KIF7: variants seen among roughly 807,000 people sequenced by gnomAD.
The protein encoded by KIF7 is kinesin-like protein KIF7.
In KIF7, 104 loss-of-function variants were observed where a neutral mutation model predicts 135.7. That is an observed-to-expected ratio of 0.77 (90% CI 0.65 to 0.90). The LOEUF is 0.90. Ranked by LOEUF, KIF7 falls within the 40% of genes least tolerant of loss-of-function variation. KIF7 has a pLI of 0.00. For missense variants in KIF7, 2,005 were observed against 1,839.1 expected (o/e 1.09, Z -1.65); for synonymous variants, 883 against 809.4 (o/e 1.09, Z -1.54).
At chr15:89,655,974 T>TC (rs942326285), upstream of KIF7, among the ~76,000 whole-genome samples, 21 of 152,298 alleles carry the variant, frequency 1.4e-4, no homozygotes, top group Middle Eastern at 3.4e-3. Context: ...ATGGTTGGTG[T>TC]CTTCACCTCT....
At chr15:89,650,127 T>A (rs576466911) in intron 2 of KIF7, 186 bp from the exon 3 acceptor site, 215 of 617,364 alleles carry the variant, frequency 3.5e-4, no homozygotes, top group African/African-American at 3.4e-3. Flanking sequence ...TCAGGCAGAA[T>A]TATAAAATTT....
At chr15:89,646,345 A>G (rs1964012814) in intron 7 of KIF7, among the ~76,000 whole-genome samples, 1 of 152,098 alleles carries the variant, frequency 6.6e-6, no homozygotes, top group Non-Finnish European at 1.5e-5. Flanking sequence ...TGAACATGAG[A>G]CTTCTGCCAA....
chr15:89,660,664 A>G, the KIF7 span, among the ~76,000 whole-genome samples: 1 of 151,992 alleles, frequency 6.6e-6, no homozygotes. Context: ...ACAGAAATAA[A>G]CTCCTATCAC....
intron 11 of KIF7, among the ~76,000 whole-genome samples, chr15:89,637,560 G>T (rs995630699): frequency 1.2e-4 from 18 of 151,624 alleles, no homozygotes; most frequent in Non-Finnish European, 1.9e-4. Flanking sequence ...AAATAAACTA[G>T]AAAATCTAGA....
At chr15:89,660,901 C>T in the KIF7 span, among the ~76,000 whole-genome samples, 1 of 152,174 alleles carries the variant, frequency 6.6e-6, no homozygotes, top group Non-Finnish European at 1.5e-5. Flanking sequence ...CCACTGAGCC[C>T]TTATCCTGCA....
rs927357697 is a variant in KIF7, at chr15:89,629,176, G to A, written c.3518-54C>T. 13 of 1,377,540 alleles carry A rather than the reference G, an allele frequency of 9.4e-6. No homozygotes were observed. The African/African-American group carries it at 1.2e-4, about 13-fold the overall frequency. 85.3% of individuals were successfully genotyped at this position (1,377,540 alleles called of 1,614,324 possible). ...GTGAGGGCTGCAGGCGGGGCAGGCG[G>A]CCAGGGCTGTGGGGGTGGGGGCTGT... On this transcript the variant is annotated intron_variant, in intron 17 of 18. Coordinates refer to ENST00000394412, the MANE Select transcript of KIF7 (RefSeq NM_198525.3).
At chr15:89,630,256 G>A (rs112107761) in intron 16 of KIF7, 31 bp downstream of exon 16, 1 of 1,605,598 alleles carries the variant, frequency 6.2e-7, no homozygotes, top group Non-Finnish European at 8.5e-7. Context: ...CCGCTGAGGA[G>A]GAGCTGGGGG....
At position 89,652,800 on chromosome 15, in the gene KIF7, A is replaced by C. The variant is rs1964145444; in HGVS notation, c.131T>G (p.Leu44Arg). 2.6e-6 allele frequency: 4 copies of C among 1,551,276 alleles called. No homozygotes were observed. The highest frequency in any genetic ancestry group is 3.5e-6 in the Non-Finnish European group (4 of 1,146,926). ...GTCACGGCCCAGAGTGACGCGGCCA[A>C]GCCCTGGCTCCACCTGCAGGCAGCT... ...HQSCLQVEPG[L>R]GRVTLGRDRH... The change falls in exon 2 of 19, where the codon CTT (leucine) becomes CGT (arginine). Residue 44 changes from leucine to arginine, a missense_variant. Transcript: ENST00000394412.
intron 7 of KIF7, 66 bp downstream of exon 7, chr15:89,646,764 T>A: frequency 6.8e-7 from 1 of 1,464,820 alleles, no homozygotes; most frequent in Non-Finnish European, 9.6e-7. Context: ...CAGTGCCCCC[T>A]TCCCCTGCCC....
In KIF7 at chr15:89,631,811, A is replaced by G. The variant is rs774747499; in HGVS notation, c.2896-101T>C. 484 of 1,021,690 alleles carry G rather than the reference A, an allele frequency of 4.7e-4. 3 individuals carry two copies. The highest frequency in any genetic ancestry group is 4.9e-4 in the Middle Eastern group (2 of 4,050). The allele number at this position is 1,021,690 out of a possible 1,614,324, so 63.3% of individuals were successfully genotyped here. ...TAAGGAGGACTTGCGTCCTTCCCTC[A>G]AGAAACCAACACTCCAAATGTTCTG... On this transcript the variant is annotated intron_variant, in intron 14 of 18. Transcript: ENST00000394412.
At position 89,630,281 on chromosome 15, in the gene KIF7, G is replaced by C; in HGVS notation, c.3318+6C>G. The C allele has an allele frequency of 6.2e-7, 1 of 1,613,872 alleles. No homozygotes were observed. The highest frequency in any genetic ancestry group is 8.5e-7 in the Non-Finnish European group (1 of 1,179,886). On this transcript the variant is annotated splice_donor_region_variant and intron_variant, in intron 16 of 18. Transcript: ENST00000394412. ...GGAGCTGGGGGGCCATGGGCTGCTGGCCCACCTTGTCAAAATACTTGCAGA... is the reference window on the plus strand; with the variant it reads ...GGAGCTGGGGGGCCATGGGCTGCTGCCCCACCTTGTCAAAATACTTGCAGA...
upstream of KIF7, among the ~76,000 whole-genome samples, chr15:89,656,909 T>G (rs535026549): frequency 6.6e-6 from 1 of 152,302 alleles, no homozygotes; most frequent in Non-Finnish European, 1.5e-5. Context: ...AGAGAATCAT[T>G]TTAGACCCTG....
chr15:89,620,984 G>A (rs1963415862), intron 1 of KIF7, among the ~76,000 whole-genome samples: 1 of 151,222 alleles, frequency 6.6e-6, no homozygotes, highest in South Asian at 2.1e-4. Flanking sequence ...GCCTCCCAAA[G>A]TGCTGGGATT....
chr15:89,633,055 C>T (rs1461822089), intron 13 of KIF7, 59 bp from the exon 14 acceptor site: 25 of 1,598,716 alleles, frequency 1.6e-5, no homozygotes, highest in East Asian at 4.5e-5. Flanking sequence ...CTGTGTCAGC[C>T]GCCACTCGAG....
rs1964062052 is a variant in KIF7, at chr15:89,648,570, T to C, written c.1128A>G (p.Pro376=). Residue 376 remains proline, a synonymous_variant, in exon 5 of 19, where the codon CCA becomes CCG. Coordinates refer to ENST00000394412, the MANE Select transcript of KIF7 (RefSeq NM_198525.3). ...EETASGARGP[P]RHRSETRIIH... ...TGATGCGGGTCTCGGAGCGGTGCCG[T>C]GGCGGACCCCGCGCGCCGCTCGCCG... The C allele has an allele frequency of 2.0e-6, 3 of 1,483,554 alleles. No individual in the cohort carries two copies. The highest frequency in any genetic ancestry group is 1.8e-6 in the Non-Finnish European group (2 of 1,118,242). 91.9% of individuals were successfully genotyped at this position (1,483,554 alleles called of 1,614,324 possible).
At chr15:89,650,087 T>A in intron 2 of KIF7, 146 bp from the exon 3 acceptor site, 1 of 807,518 alleles carries the variant, frequency 1.2e-6, no homozygotes, top group South Asian at 1.5e-5. Flanking sequence ...ATGGGACAGG[T>A]GGCCTGAGCT....
At chr15:89,618,127 A>ATAT in exon 2 of KIF7, 1 of 1,609,998 alleles carries the variant, frequency 6.2e-7, no homozygotes, top group Non-Finnish European at 8.5e-7. Flanking sequence ...GTATGGAGTA[A>ATAT]TCCTTGTGCA....
rs148044329 is a variant in KIF7 at position 89,633,801 on chromosome 15, C to A, written c.2477G>T (p.Arg826Leu). 1 of 1,612,560 alleles carries A rather than the reference C, an allele frequency of 6.2e-7. No individual in the cohort carries two copies. Among genetic ancestry groups the A allele is most frequent in the Admixed American group, 1.7e-5 (1 of 60,034 alleles). The change falls in exon 12 of 19, where the codon CGG becomes CTG. Residue 826 changes from arginine to leucine, a missense_variant. By Grantham distance (102) the Arg-to-Leu change is moderately radical. Transcript: ENST00000394412. Reference protein sequence around the residue: ...QSEKRLQELERNVQLMRQQQG... With the variant: ...QSEKRLQELELNVQLMRQQQG... ...CTGCTGCCGCATGAGCTGCACGTTC[C>A]GCTCGAGCTCCTGCAGTCGCTTCTC...
chr15:89,617,564 T>C (rs530418118), intron 2 of KIF7, among the ~76,000 whole-genome samples: 8 of 152,218 alleles, frequency 5.3e-5, no homozygotes, highest in African/African-American at 1.9e-4. Context: ...ACTCTGTCAC[T>C]CAGGCTGGAG....
Sources: allele counts gnomAD v4.1 joint callset (sites outside exome capture counted in the v4.1 genomes callset), GRCh38; gene constraint gnomAD v4.1.1; transcripts MANE v1.5; gene names NCBI Gene and HGNC (gene_info 2026-07-23, HGNC 2026-07-21).